Variants in PCDH15 observed in about 807,000 individuals in gnomAD.
PCDH15 encodes protocadherin-15.
A neutral mutation model predicts 178.5 loss-of-function variants in PCDH15; 129 were observed. The ratio of observed to expected loss-of-function variants is 0.72; its 90% CI spans 0.63 to 0.84. The LOEUF is 0.84. PCDH15 is among the 40% of genes least tolerant of loss of function. The pLI is 0.00. For missense variants in PCDH15, 2,230 were observed against 2,099.9 expected, an observed-to-expected ratio of 1.06 and a Z score of -1.21; for synonymous variants, 800 against 732.0, an observed-to-expected ratio of 1.09 and a Z score of -1.50.
At chr10:54,351,279 A>G (rs1385619726) in intron 5 of PCDH15, among the ~76,000 whole-genome samples, 1 of 152,138 alleles carries the variant, frequency 6.6e-6, no homozygotes, top group East Asian at 1.9e-4. Context: ...CAAAAACCAA[A>G]CAAAAGACAT....
chr10:53,857,257 C>T lies in PCDH15; in HGVS notation c.3724G>A (p.Val1242Met), dbSNP rs201137087. Residue 1242 changes from valine to methionine, a missense_variant, in exon 28 of 38, where the codon GTG (valine) becomes ATG (methionine). Transcript: ENST00000644397. ...ACTTGCATATCCAGCTGATTGACCA[C>T]GGAGACCTGAAAGAAGAAAAAACAG... is the stretch of plus-strand genomic sequence containing the variant. ...LSGKADVLVS[V>M]VNQLDMQVIV... The T allele has an allele frequency of 1.4e-4, 230 of 1,610,120 alleles. 2 individuals carry two copies. The East Asian group carries it at 2.9e-3, about 20-fold the overall frequency.
chr10:55,482,652 TC>T (rs1840207922), intron 2 of PCDH15, among the ~76,000 whole-genome samples: 1 of 151,836 alleles, frequency 6.6e-6, no homozygotes, highest in South Asian at 2.1e-4. Context: ...GCCCCCAATC[TC>T]TTCTAGCTTG....
intron 15 of PCDH15, among the ~76,000 whole-genome samples, chr10:54,124,436 A>C (rs2041821556): frequency 6.6e-6 from 1 of 151,998 alleles, no homozygotes; most frequent in African/African-American, 2.4e-5. Flanking sequence ...AAAAATGTGA[A>C]TGTACTTAAT....
chr10:54,617,922 CA>C (rs3071002), intron 2 of PCDH15, among the ~76,000 whole-genome samples: 4,013 of 124,980 alleles, frequency 0.032, 117 homozygotes, highest in African/African-American at 0.098. Flanking sequence ...GACTCCATTT[CA>C]AAAAAAAAAA....
intron 17 of PCDH15, among the ~76,000 whole-genome samples, chr10:54,069,607 T>A (rs1432749486): frequency 1.3e-5 from 2 of 152,200 alleles, no homozygotes; most frequent in Non-Finnish European, 2.9e-5. Context: ...GAAATACTTA[T>A]GTAAAAATGA....
At chr10:54,432,330 A>G (rs1957065873) in intron 3 of PCDH15, among the ~76,000 whole-genome samples, 1 of 152,246 alleles carries the variant, frequency 6.6e-6, no homozygotes, top group Admixed American at 6.5e-5. Flanking sequence ...TTCAAATTAC[A>G]CTGCAGTGCT....
At chr10:55,378,517 G>A (rs1837453098) in intron 2 of PCDH15, among the ~76,000 whole-genome samples, 1 of 151,988 alleles carries the variant, frequency 6.6e-6, no homozygotes, top group South Asian at 2.1e-4. Context: ...AGTACTGAAG[G>A]GATATGCTTA....
intron 2 of PCDH15, chr10:54,600,123 G>A: frequency 3.5e-6 from 3 of 855,502 alleles, no homozygotes; most frequent in Non-Finnish European, 5.7e-6. Context: ...CAATGGATGT[G>A]CCAGAGAAGA....
At chr10:55,057,828 T>C (rs988096589) in intron 2 of PCDH15, among the ~76,000 whole-genome samples, 10 of 152,246 alleles carry the variant, frequency 6.6e-5, no homozygotes, top group African/African-American at 1.4e-4. Flanking sequence ...CCTCATCTTA[T>C]TGTTATACCT....
At chr10:54,438,150 G>C (rs556190281) in intron 3 of PCDH15, among the ~76,000 whole-genome samples, 1 of 151,598 alleles carries the variant, frequency 6.6e-6, no homozygotes, top group Non-Finnish European at 1.5e-5. Flanking sequence ...GAATTGATAT[G>C]TAACAGGAAG....
intron 2 of PCDH15, among the ~76,000 whole-genome samples, chr10:54,970,832 TG>T (rs1838913588): frequency 6.6e-6 from 1 of 152,178 alleles, no homozygotes; most frequent in African/African-American, 2.4e-5. Flanking sequence ...GTTTTCCTTG[TG>T]GGGTTTTAGA....
chr10:54,528,380 C>A, intron 2 of PCDH15: 1 of 1,573,844 alleles, frequency 6.4e-7, no homozygotes, highest in South Asian at 1.2e-5. Context: ...TTATTTTTGT[C>A]ATCTTACCCT....
chr10:55,219,955 T>A (rs1209276076), intron 1 of PCDH15, among the ~76,000 whole-genome samples: 1 of 151,834 alleles, frequency 6.6e-6, no homozygotes, highest in East Asian at 1.9e-4. Flanking sequence ...ATGTTCTATT[T>A]ATAAACTCTC....
intron 28 of PCDH15, among the ~76,000 whole-genome samples, chr10:53,849,911 G>T (rs1196029662): frequency 6.8e-6 from 1 of 147,418 alleles, no homozygotes; most frequent in Non-Finnish European, 1.5e-5. Context: ...GTACAAATTT[G>T]GAAAATCCAA....
At chr10:54,677,539 A>G (rs186727925) in intron 1 of PCDH15, among the ~76,000 whole-genome samples, 100 of 152,150 alleles carry the variant, frequency 6.6e-4, no homozygotes, top group African/African-American at 2.1e-3. Context: ...TTATTTCAGG[A>G]AGGGATCATA....
intron 1 of PCDH15, among the ~76,000 whole-genome samples, chr10:55,225,645 G>T (rs1419967720): frequency 7.0e-6 from 1 of 143,072 alleles, no homozygotes; most frequent in Non-Finnish European, 1.6e-5. Flanking sequence ...TTGTGTGTGT[G>T]TGTGTGAGAG....
At chr10:55,257,447 C>T (rs1377220341) in intron 1 of PCDH15, among the ~76,000 whole-genome samples, 2 of 151,992 alleles carry the variant, frequency 1.3e-5, no homozygotes, top group Admixed American at 6.6e-5. Context: ...GAAGTTCGAA[C>T]CCATGGCAAA....
chr10:54,207,378 A>ATGTG (rs879535806), intron 10 of PCDH15, among the ~76,000 whole-genome samples: 10 of 12,180 alleles, frequency 8.2e-4, no homozygotes, highest in Admixed American at 1.7e-3. Context: ...GTGTGTGTGT[A>ATGTG]TGTGTGTGTG....
intron 2 of PCDH15, among the ~76,000 whole-genome samples, chr10:55,591,038 C>A (rs1842833518): frequency 1.3e-5 from 2 of 151,964 alleles, no homozygotes; most frequent in East Asian, 1.9e-4. Flanking sequence ...AAAGAGGTTC[C>A]ATTGCCTTAA....
Sources: allele counts gnomAD v4.1 joint callset (sites outside exome capture counted in the v4.1 genomes callset), GRCh38; gene constraint gnomAD v4.1.1; transcripts MANE v1.5; gene names NCBI Gene and HGNC (gene_info 2026-07-23, HGNC 2026-07-21).